Variants in RAB43 observed in about 807,000 individuals in gnomAD.
RAB43 encodes the protein ras-related protein Rab-43.
Under a neutral mutation model 18.8 loss-of-function variants are expected in RAB43, and 6 were observed. That is an observed-to-expected ratio of 0.32 (90% CI 0.17 to 0.63). RAB43 has a LOEUF of 0.63. Among genes scored for constraint, RAB43 ranks in the 30% least tolerant of loss-of-function variants. RAB43 has a pLI of 0.79. For synonymous variants in RAB43, 103 were observed against 124.1 expected (o/e 0.83, Z 1.13); for missense variants, 195 against 289.1 (o/e 0.67, Z 2.36).
chr3:129,100,124 G>A (rs1934326873), intron 1 of RAB43, among the ~76,000 whole-genome samples: 1 of 152,092 alleles, frequency 6.6e-6, no homozygotes, highest in Non-Finnish European at 1.5e-5. Flanking sequence ...AAAGCAGTCT[G>A]ATAAAAGACA....
Position 129,091,350 on chromosome 3 carries a change from C to T in RAB43, c.389-4G>A, listed in dbSNP as rs200167342. The T allele has an allele frequency of 2.7e-5, 43 of 1,608,292 alleles. No homozygotes were observed. In the East Asian group the frequency reaches 4.7e-4, roughly 18 times the overall value. ...TCGCTGAGGTCTGACTTGTTCCCTG[C>T]GGAGGAAAGCCGGGGCAGCATGAGG... On this transcript the variant is annotated splice_region_variant and splice_polypyrimidine_tract_variant and intron_variant, in intron 2 of 2. Transcript: ENST00000315150.
rs373271888 is a variant in RAB43 at position 129,118,093 on chromosome 3, T to A, written c.204+3193A>T. Among the ~76,000 whole-genome samples the A allele has an allele frequency of 5.3e-5, 8 of 152,318 alleles. No individual in the cohort carries two copies. The East Asian group carries it at 1.2e-3, about 22-fold the overall frequency. ...TTGCGTTGGGACCTGAATGATGAAG[T>A]AGCAGTTACGTGGGGATCTAGAGGC... On this transcript the variant is annotated intron_variant, in intron 1 of 2. Transcript: ENST00000315150.
chr3:129,103,904 A>T (rs1934588179), intron 1 of RAB43, among the ~76,000 whole-genome samples: 1 of 151,944 alleles, frequency 6.6e-6, no homozygotes, highest in South Asian at 2.1e-4. Context: ...TCCTGTCCCA[A>T]CCCCAATTTA....
At chr3:129,117,084 GCTT>G (rs1235204437) in intron 1 of RAB43, among the ~76,000 whole-genome samples, 1 of 152,142 alleles carries the variant, frequency 6.6e-6, no homozygotes, top group Non-Finnish European at 1.5e-5. Context: ...AACACTGATG[GCTT>G]CTTCTTAGAG....
chr3:129,113,173 T>A (rs150073618), intron 1 of RAB43, among the ~76,000 whole-genome samples: 2,176 of 150,256 alleles, frequency 0.014, 50 homozygotes, highest in African/African-American at 0.048. Flanking sequence ...TATTATTATT[T>A]TTTTTTTTTC....
intron 1 of RAB43, among the ~76,000 whole-genome samples, chr3:129,112,571 A>G (rs905429777): frequency 1.2e-4 from 18 of 152,172 alleles, no homozygotes; most frequent in African/African-American, 4.3e-4. Context: ...TAGGTCTCTC[A>G]AATCAAAATG....
intron 2 of RAB43, among the ~76,000 whole-genome samples, chr3:129,093,610 C>G (rs534756733): frequency 2.0e-5 from 3 of 151,700 alleles, no homozygotes; most frequent in South Asian, 2.1e-4. Context: ...CTCCGTCCCC[C>G]ACCCCCAGCA....
At chr3:129,113,737 T>C (rs1274913371) in intron 1 of RAB43, among the ~76,000 whole-genome samples, 1 of 151,902 alleles carries the variant, frequency 6.6e-6, no homozygotes, top group Non-Finnish European at 1.5e-5. Flanking sequence ...GTTAGAAAAA[T>C]CTGATATGTG....
rs1935947277 is a variant in RAB43 at position 129,121,705 on chromosome 3, C to G, written c.-216G>C. 1 of 327,776 alleles carries G rather than the reference C, an allele frequency of 3.1e-6. No homozygotes were observed. The highest frequency in any genetic ancestry group is 5.5e-6 in the Non-Finnish European group (1 of 183,256). The allele number at this position is 327,776 out of a possible 1,614,324, so 20.3% of individuals were successfully genotyped here. ...CCGCCCCGGCCCGGCTCGGCCCCGC[C>G]CGGACCCGGTGCCCCGCGGGTTCGG... On this transcript the variant is annotated 5_prime_UTR_variant, in exon 1 of 3. Coordinates refer to ENST00000315150, the MANE Select transcript of RAB43 (RefSeq NM_198490.3).
chr3:129,092,955 CAAA>C (rs745819526), intron 2 of RAB43, among the ~76,000 whole-genome samples: 2 of 116,688 alleles, frequency 1.7e-5, no homozygotes, highest in Admixed American at 8.6e-5. Context: ...GACTCTGTCT[CAAA>C]AAAAAAAAAA....
intron 1 of RAB43, among the ~76,000 whole-genome samples, chr3:129,099,017 G>A (rs1242464977): frequency 3.9e-5 from 6 of 152,008 alleles, no homozygotes; most frequent in Admixed American, 3.3e-4. Context: ...AGGTTGCAGT[G>A]AGCCCAGATC....
chr3:129,114,845 C>T (rs1010988472), intron 1 of RAB43, among the ~76,000 whole-genome samples: 4 of 152,156 alleles, frequency 2.6e-5, no homozygotes, highest in East Asian at 1.9e-4. Flanking sequence ...ATTTCTAGTA[C>T]GAGCATAGCC....
intron 1 of RAB43, among the ~76,000 whole-genome samples, chr3:129,116,852 G>T (rs76315764): frequency 1.0e-3 from 159 of 152,074 alleles, no homozygotes; most frequent in African/African-American, 3.7e-3. Flanking sequence ...TTACATAACA[G>T]GCCTTTGTGT....
At chr3:129,094,500 A>ACTTT (rs1933887892) in intron 2 of RAB43, among the ~76,000 whole-genome samples, 1 of 117,750 alleles carries the variant, frequency 8.5e-6, no homozygotes, top group African/African-American at 3.1e-5. Context: ...TTTGAATATA[A>ACTTT]CTTTCTTTTT....
At chr3:129,117,579 G>A (rs960227079) in intron 1 of RAB43, among the ~76,000 whole-genome samples, 8 of 152,170 alleles carry the variant, frequency 5.3e-5, no homozygotes, top group African/African-American at 1.7e-4. Flanking sequence ...ATATCTACAC[G>A]TTTTGGTTAA....
chr3:129,101,054 C>T (rs1396313601), intron 1 of RAB43, among the ~76,000 whole-genome samples: 2 of 152,216 alleles, frequency 1.3e-5, no homozygotes, highest in Non-Finnish European at 2.9e-5. Context: ...GATCCACCCG[C>T]CATGGCCTCC....
At chr3:129,091,894 C>T (rs1933684946) in intron 2 of RAB43, among the ~76,000 whole-genome samples, 2 of 151,718 alleles carry the variant, frequency 1.3e-5, no homozygotes, top group South Asian at 2.1e-4. Flanking sequence ...GATGAAACCC[C>T]GTCTCTACTT....
intron 1 of RAB43, among the ~76,000 whole-genome samples, chr3:129,115,171 C>A (rs1426651849): frequency 6.6e-6 from 1 of 152,142 alleles, no homozygotes; most frequent in Non-Finnish European, 1.5e-5. Context: ...GTTTCAGCTA[C>A]CTGCCATCAA....
At chr3:129,109,552 C>A (rs1005117234) in intron 1 of RAB43, among the ~76,000 whole-genome samples, 1 of 151,032 alleles carries the variant, frequency 6.6e-6, no homozygotes, top group South Asian at 2.1e-4. Context: ...GCCTGGCCAA[C>A]AGAGTGAAAC....
Sources: gnomAD v4.1 joint callset for allele counts (sites outside exome capture counted in the v4.1 genomes callset) on GRCh38, gnomAD v4.1.1 for gene constraint, MANE v1.5 for transcripts, NCBI Gene and HGNC (gene_info 2026-07-23, HGNC 2026-07-21) for gene names.